ERICH6B: variants seen among roughly 807,000 people sequenced by gnomAD.
ERICH6B encodes the protein glutamate-rich protein 6B.
A neutral mutation model predicts 80.0 loss-of-function variants in ERICH6B; 69 were observed. That is an observed-to-expected ratio of 0.86 (90% CI 0.71 to 1.05). The LOEUF (loss-of-function observed/expected upper bound fraction) is 1.05, where lower values mean the gene tolerates loss of function less well. Ranked by LOEUF, ERICH6B falls within the 50% of genes least tolerant of loss-of-function variation. The pLI is 0.00. For missense variants in ERICH6B, 754 were observed against 796.1 expected (o/e 0.95, Z 0.64); for synonymous variants, 283 against 291.9 (o/e 0.97, Z 0.31).
intron 11 of ERICH6B, among the ~76,000 whole-genome samples, chr13:45,558,878 T>C (rs1874547831): frequency 6.6e-6 from 1 of 152,204 alleles, no homozygotes; most frequent in Non-Finnish European, 1.5e-5. Context: ...ACCAGGGATA[T>C]TGGTGTGTAG....
At chr13:45,585,177 C>T (rs118091619) in intron 5 of ERICH6B, among the ~76,000 whole-genome samples, 11 of 152,244 alleles carry the variant, frequency 7.2e-5, no homozygotes, top group Non-Finnish European at 1.2e-4. Flanking sequence ...TGGTAGAGAG[C>T]GTGGCTAGGT....
chr13:45,545,134 A>G (rs1435034743), intron 13 of ERICH6B, 149 bp from the exon 14 acceptor site: 23 of 672,794 alleles, frequency 3.4e-5, no homozygotes, highest in Non-Finnish European at 5.1e-5. Flanking sequence ...ATGGACAACC[A>G]ACCCAACACC....
chr13:45,568,227 G>T, intron 9 of ERICH6B, 88 bp downstream of exon 9: 3 of 1,375,280 alleles, frequency 2.2e-6, no homozygotes, highest in African/African-American at 1.5e-5. Flanking sequence ...GCTCTTTTTT[G>T]TTGATGGCTC....
At chr13:45,576,735 T>C (rs771283015) in intron 7 of ERICH6B, among the ~76,000 whole-genome samples, 1 of 151,934 alleles carries the variant, frequency 6.6e-6, no homozygotes, top group South Asian at 2.1e-4. Flanking sequence ...GAATAATGCA[T>C]AATGTGAGCT....
intron 4 of ERICH6B, among the ~76,000 whole-genome samples, chr13:45,588,459 T>A (rs1350676447): frequency 6.6e-6 from 1 of 151,994 alleles, no homozygotes; most frequent in Non-Finnish European, 1.5e-5. Flanking sequence ...TGCAGGTGAG[T>A]TCCTTAGGCC....
intron 6 of ERICH6B, 104 bp from the exon 7 acceptor site, chr13:45,580,078 C>T: frequency 1.0e-6 from 1 of 998,754 alleles, no homozygotes; most frequent in South Asian, 1.5e-5. Flanking sequence ...TCCTAGATAT[C>T]TGGGAAGCCT....
In ERICH6B at chr13:45,580,668, G is replaced by T. The variant is rs1393992030; in HGVS notation, c.857-3C>A. The T allele has an allele frequency of 1.9e-6, 3 of 1,551,600 alleles. No individual in the cohort carries two copies. Among genetic ancestry groups the T allele is most frequent in the African/African-American group, 2.7e-5 (2 of 73,160 alleles). ...TGATTTCGATTTTAAAGATTTTACT[G>T]TTAAAAGGCAGAAGAGGGTGGCTAT... On this transcript the variant is annotated splice_polypyrimidine_tract_variant and splice_region_variant and intron_variant, in intron 5 of 14. Transcript: ENST00000298738.
intron 2 of ERICH6B, among the ~76,000 whole-genome samples, chr13:45,604,348 T>C (rs1209589511): frequency 2.6e-5 from 4 of 152,162 alleles, no homozygotes; most frequent in Non-Finnish European, 4.4e-5. Flanking sequence ...AAACCACTGA[T>C]ACAAATGTCC....
At position 45,568,321 on chromosome 13, in the gene ERICH6B, A is replaced by G; in HGVS notation, c.1181T>C (p.Val394Ala). ...LLESENRWKL[V>A]IMLKKNYEKF... ...GGCCTCACCAGTTACTTACATAATT[A>G]CCAGTTTCCATCTGTTTTCACTTTC... Residue 394 changes from valine (V) to alanine (A), a missense_variant, in exon 9 of 15, where the codon GTA becomes GCA. Val to Ala is a moderately conservative substitution (Grantham distance 64). Coordinates refer to ENST00000298738, the MANE Select transcript of ERICH6B (RefSeq NM_182542.3). The G allele has an allele frequency of 6.5e-7, 1 of 1,541,754 alleles. No homozygotes were observed. Among genetic ancestry groups the G allele is most frequent in the Non-Finnish European group, 8.7e-7 (1 of 1,143,624 alleles).
chr13:45,597,129 A>G (rs1876432098), intron 2 of ERICH6B, 66 bp from the exon 3 acceptor site: 1 of 1,140,692 alleles, frequency 8.8e-7, no homozygotes, highest in Admixed American at 2.9e-5. Flanking sequence ...ATTTAATTCC[A>G]TTTTTGTTCA....
chr13:45,564,744 C>T (rs1195970874), intron 9 of ERICH6B, among the ~76,000 whole-genome samples: 2 of 152,188 alleles, frequency 1.3e-5, no homozygotes, highest in Admixed American at 1.3e-4. Context: ...CTATTGGCAC[C>T]TGTGAAAAAA....
chr13:45,544,847 C>A lies in ERICH6B; in HGVS notation c.1785G>T (p.Gln595His). ...PISLKINEYI[Q>H]VQIRSQDKII... ...TCTTATCCTGGCTCCTTATTTGTACCTGGATGTACTCATTGATTTTCAAGG... is the reference window on the plus strand; with the variant it reads ...TCTTATCCTGGCTCCTTATTTGTACATGGATGTACTCATTGATTTTCAAGG... The change falls in exon 14 of 15, where the codon CAG (glutamine) becomes CAT (histidine). Residue 595 changes from glutamine to histidine, a missense_variant. Coordinates refer to ENST00000298738, the MANE Select transcript of ERICH6B (RefSeq NM_182542.3). 6.4e-7 allele frequency: 1 copy of A among 1,551,674 alleles called. No individual in the cohort carries two copies.
intron 3 of ERICH6B, among the ~76,000 whole-genome samples, chr13:45,596,011 A>T (rs1467132157): frequency 1.3e-5 from 2 of 152,230 alleles, no homozygotes; most frequent in Admixed American, 6.5e-5. Context: ...GAAAAAGGAA[A>T]GATACAAATA....
At position 45,578,078 on chromosome 13, in the gene ERICH6B, A is replaced by T. The variant is rs114951909; in HGVS notation, c.961+1855T>A. On this transcript the variant is annotated intron_variant, in intron 7 of 14. Transcript: ENST00000298738. ...ATCTGTGCACTTCCTTATAAAATCCAGTTTTAGCAAGAACCCTGCTAAGTT... is the reference window on the plus strand; with the variant it reads ...ATCTGTGCACTTCCTTATAAAATCCTGTTTTAGCAAGAACCCTGCTAAGTT... Among the ~76,000 whole-genome samples the T allele has an allele frequency of 1.7e-3, 252 of 152,334 alleles. 2 individuals carry two copies. The highest frequency in any genetic ancestry group is 5.8e-3 in the African/African-American group (242 of 41,572).
At chr13:45,551,727 T>G (rs1408071757) in intron 11 of ERICH6B, 6 of 152,220 alleles carry the variant, frequency 3.9e-5, no homozygotes, top group Admixed American at 2.6e-4. Context: ...ATTTAGGTCA[T>G]GGGGACTCTA....
At chr13:45,592,360 T>C (rs1034325589) in intron 3 of ERICH6B, among the ~76,000 whole-genome samples, 3 of 152,212 alleles carry the variant, frequency 2.0e-5, no homozygotes, top group African/African-American at 7.2e-5. Flanking sequence ...GAGGTGAACT[T>C]CCTTTCATGA....
chr13:45,553,085 G>T, intron 11 of ERICH6B: 1 of 312,546 alleles, frequency 3.2e-6, no homozygotes, highest in South Asian at 2.8e-5. Context: ...GTAGTTGCAA[G>T]ACATTCCTTA....
intron 14 of ERICH6B, 63 bp from the exon 15 acceptor site, chr13:45,541,743 C>T: frequency 1.4e-6 from 2 of 1,450,626 alleles, no homozygotes; most frequent in East Asian, 2.5e-5. Context: ...GCCCCAGACC[C>T]AGGCCAGATC....
In ERICH6B at chr13:45,589,705, C is replaced by T. The variant is rs185688243; in HGVS notation, c.686+944G>A. Among the ~76,000 whole-genome samples the T allele has an allele frequency of 1.5e-3, 231 of 152,330 alleles. 1 individual carries two copies. Among genetic ancestry groups the T allele is most frequent in the African/African-American group, 5.4e-3 (224 of 41,574 alleles). On this transcript the variant is annotated intron_variant, in intron 4 of 14. Coordinates refer to ENST00000298738, the MANE Select transcript of ERICH6B (RefSeq NM_182542.3). ...GTTCTCAATATCTTTAAGGTGGTCA[C>T]GTCACTGTCAGGCCCCTTCACTGTG...
Sources: allele counts gnomAD v4.1 joint callset (sites outside exome capture counted in the v4.1 genomes callset), GRCh38; gene constraint gnomAD v4.1.1; transcripts MANE v1.5; gene names NCBI Gene and HGNC (gene_info 2026-07-23, HGNC 2026-07-21).